Variants in ULK1 observed in about 807,000 individuals in gnomAD.
The protein encoded by ULK1 is serine/threonine-protein kinase ULK1.
In ULK1, 48 loss-of-function variants were observed where a neutral mutation model predicts 117.5. The observed-to-expected ratio is 0.41, with a 90% CI of 0.32 to 0.52. The LOEUF (loss-of-function observed/expected upper bound fraction) is 0.52. Among genes scored for constraint, ULK1 ranks in the 20% least tolerant of loss-of-function variants. The pLI, the probability that ULK1 is intolerant of heterozygous loss-of-function variation, is 0.29. For missense variants in ULK1, 1,387 were observed against 1,473.4 expected (o/e 0.94, Z 0.96); for synonymous variants, 790 against 637.8 (o/e 1.24, Z -3.60).
rs770827887 is a variant in ULK1, at chr12:131,915,974, G to T, written c.1693G>T (p.Val565Phe). The change falls in exon 19 of 28, where the codon GTC becomes TTC. Residue 565 changes from valine to phenylalanine, a missense_variant. By Grantham distance (50) the Val-to-Phe change is conservative (BLOSUM62 -1). Around this residue, in one of 4 missense-constraint regions of ULK1, gnomAD observed 900 missense variants for 858.9 expected, o/e 1.05. Transcript: ENST00000321867. ...HSAPNLSDLH[V>F]VRPKLPKPPT... ...CGCCCCCAACCTGTCTGACTTGCAC[G>T]TCGTCCGCCCCAAGCTGCCCAAACC... 1 of 1,612,298 alleles carries T rather than the reference G, an allele frequency of 6.2e-7. No individual in the cohort carries two copies. Among genetic ancestry groups the T allele is most frequent in the African/African-American group, 1.3e-5 (1 of 74,852 alleles).
Position 131,908,583 on chromosome 12 carries a change from C to T in ULK1, c.317-61C>T, listed in dbSNP as rs964798916. ...GTGTGGCGGGACCGGCCTGGCTGCG[C>T]GGGACTCACCCCTGGGGGAGGAAAC... On this transcript the variant is annotated intron_variant, in intron 5 of 27. Coordinates refer to ENST00000321867, the MANE Select transcript of ULK1 (RefSeq NM_003565.4). The T allele has an allele frequency of 1.1e-4, 163 of 1,420,942 alleles. No individual in the cohort carries two copies. The African/African-American group carries it at 2.0e-3, about 18-fold the overall frequency. The allele number at this position is 1,420,942 out of a possible 1,614,324, so 88.0% of individuals were successfully genotyped here.
chr12:131,898,803 C>G (rs1364314993), intron 3 of ULK1, among the ~76,000 whole-genome samples: 1 of 151,916 alleles, frequency 6.6e-6, no homozygotes, highest in African/African-American at 2.4e-5. Flanking sequence ...GGGCGGTTTT[C>G]TTTTACATTG....
chr12:131,905,697 C>T (rs1374652361), intron 3 of ULK1, among the ~76,000 whole-genome samples: 1 of 152,150 alleles, frequency 6.6e-6, no homozygotes, highest in African/African-American at 2.4e-5. Flanking sequence ...GGGCCTCACT[C>T]TCCTTGTCTG....
chr12:131,913,344 A>G, intron 14 of ULK1, 86 bp downstream of exon 14: 2 of 1,338,400 alleles, frequency 1.5e-6, no homozygotes, highest in South Asian at 3.2e-5. Context: ...ATGAGCCGAG[A>G]TCGCGCCACT....
Position 131,921,733 on chromosome 12 carries a change from G to A in ULK1, c.*372G>A, listed in dbSNP as rs548529062. The A allele has an allele frequency of 1.8e-6, 1 of 566,668 alleles. No individual in the cohort carries two copies. Among genetic ancestry groups the A allele is most frequent in the African/African-American group, 1.8e-5 (1 of 54,194 alleles). The allele number at this position is 566,668 out of a possible 1,614,324, so 35.1% of individuals were successfully genotyped here. On this transcript the variant is annotated 3_prime_UTR_variant, in exon 28 of 28. Transcript: ENST00000321867. ...CAAAGCGAGCTCCTGCTTAGGGAAG[G>A]TCAGCAGGCACTGTGCCCAGGAAGA...
intron 3 of ULK1, among the ~76,000 whole-genome samples, chr12:131,905,485 C>T (rs1488105659): frequency 1.3e-5 from 2 of 152,174 alleles, no homozygotes; most frequent in African/African-American, 4.8e-5. Context: ...AGCCTGGGCT[C>T]GCTCAGGGGT....
chr12:131,910,875 C>A, intron 12 of ULK1, 75 bp downstream of exon 12: 1 of 1,586,968 alleles, frequency 6.3e-7, no homozygotes, highest in Admixed American at 1.7e-5. Flanking sequence ...TGGGCCCCCG[C>A]GGGGACGTGC....
chr12:131,904,443 C>T (rs12317396), intron 3 of ULK1, among the ~76,000 whole-genome samples: 20,948 of 152,206 alleles, frequency 0.14, 2,242 homozygotes, highest in African/African-American at 0.3. Context: ...CCACCGTACC[C>T]GGCCAGGCCT....
At position 131,902,800 on chromosome 12, in the gene ULK1, C is replaced by T. The variant is rs889165170; in HGVS notation, c.247-4092C>T. On this transcript the variant is annotated intron_variant, in intron 3 of 27. Transcript: ENST00000321867. The surrounding 1 kb of genome is among the most constrained non-coding windows in gnomAD (Gnocchi z 6.3). ...GACCCCCGGACCCTGTCTTGGGAGG[C>T]GAGCTGCTCTGCCTGGGGTGGCCGG... is the stretch of plus-strand genomic sequence containing the variant. Among the ~76,000 whole-genome samples the T allele has an allele frequency of 2.0e-5, 3 of 152,096 alleles. No individual in the cohort carries two copies. Among genetic ancestry groups the T allele is most frequent in the Admixed American group, 6.5e-5 (1 of 15,278 alleles).
intron 3 of ULK1, among the ~76,000 whole-genome samples, chr12:131,904,321 A>AT (rs924024378): frequency 2.6e-5 from 4 of 151,930 alleles, no homozygotes; most frequent in Non-Finnish European, 4.4e-5. Flanking sequence ...TAATTTTTGT[A>AT]TTTTTTTGTA....
chr12:131,902,385 CA>C lies in ULK1; in HGVS notation c.247-4506del, dbSNP rs1326724814. On this transcript the variant is annotated intron_variant, in intron 3 of 27. Transcript: ENST00000321867. The surrounding 1 kb of genome is among the most constrained non-coding windows in gnomAD (Gnocchi z 6.3). ...TATTAAGTAAAGCACCTTAGCACCC[CA>C]GGGGTGGGGCAGCCTCCTACGTGCC... 6.6e-6 allele frequency among the ~76,000 whole-genome samples: 1 copy of C among 152,178 alleles called. No individual in the cohort carries two copies. Among genetic ancestry groups the C allele is most frequent in the Non-Finnish European group, 1.5e-5 (1 of 68,022 alleles).
chr12:131,918,140 G>A (rs936423101), intron 22 of ULK1, among the ~76,000 whole-genome samples: 1 of 152,178 alleles, frequency 6.6e-6, no homozygotes, highest in African/African-American at 2.4e-5. Flanking sequence ...GGGCCCAGCT[G>A]TGGGGCACAG....
chr12:131,900,307 T>C (rs1174463837), intron 3 of ULK1, among the ~76,000 whole-genome samples: 1 of 152,194 alleles, frequency 6.6e-6, no homozygotes, highest in East Asian at 1.9e-4. Context: ...GTTTGTTGAC[T>C]GTTGAGGTTG....
chr12:131,922,914 C>T lies in ULK1; in HGVS notation c.*1553C>T, dbSNP rs1470705317. Reference sequence around the variant, plus strand: ...TTCATGGCCGACTGGAATCCTGAGTCCTGGGAAGCTGGCACTGCGGGGATC... The same window carrying T: ...TTCATGGCCGACTGGAATCCTGAGTTCTGGGAAGCTGGCACTGCGGGGATC... On this transcript the variant is annotated 3_prime_UTR_variant, in exon 28 of 28. Transcript: ENST00000321867. 6.6e-6 allele frequency: 1 copy of T among 152,412 alleles called. No homozygotes were observed. Among genetic ancestry groups the T allele is most frequent in the Non-Finnish European group, 1.5e-5 (1 of 68,050 alleles). 9.4% of individuals were successfully genotyped at this position (152,412 alleles called of 1,614,324 possible).
chr12:131,895,484 T>C (rs558753013), intron 1 of ULK1, 117 bp from the exon 2 acceptor site: 1 of 860,752 alleles, frequency 1.2e-6, no homozygotes, highest in Admixed American at 2.4e-5. Context: ...CCACTCGGCC[T>C]TCCAGTCCCG....
At chr12:131,898,789 G>T (rs1888974418) in intron 3 of ULK1, among the ~76,000 whole-genome samples, 1 of 152,286 alleles carries the variant, frequency 6.6e-6, no homozygotes, top group South Asian at 2.1e-4. Context: ...GAACCACCAT[G>T]CCTGGGCGGT....
chr12:131,919,378 A>G lies in ULK1; in HGVS notation c.2678A>G (p.Glu893Gly). 1 of 1,078,144 alleles carries G rather than the reference A, an allele frequency of 9.3e-7. No individual in the cohort carries two copies. Among genetic ancestry groups the G allele is most frequent in the Non-Finnish European group, 1.3e-6 (1 of 784,298 alleles). 66.8% of individuals were successfully genotyped at this position (1,078,144 alleles called of 1,614,324 possible). A position where few individuals can be genotyped will look rare whatever the true frequency, so the allele number is the denominator to read the frequency against. ...VADQISLLSREWGFAEQLVLY... is the reference protein window; with the variant it reads ...VADQISLLSRGWGFAEQLVLY... The stretch of plus-strand genomic sequence containing the variant: ...GACCAGATCAGCCTGCTGAGCCGAG[A>G]ATGGGGGTGGGTGCCGCCAGGGCTG... Residue 893 changes from glutamate to glycine, a missense_variant, in exon 24 of 28, where the codon GAA becomes GGA. This residue lies in a region of ULK1 where 900 missense variants were observed against 858.9 expected (regional missense o/e 1.05). Transcript: ENST00000321867.
chr12:131,922,475 C>G lies in ULK1; in HGVS notation c.*1114C>G. 2.8e-5 allele frequency: 5 copies of G among 176,178 alleles called. No individual in the cohort carries two copies. In the South Asian group the frequency reaches 3.4e-4, roughly 12 times the overall value. The allele number at this position is 176,178 out of a possible 1,614,324, so 10.9% of individuals were successfully genotyped here. ...TGACAGTCAGTTTTGATGTCAGCTC[C>G]TCGGCAGGGTAGGCCTGATGACAGC... is the stretch of plus-strand genomic sequence containing the variant. On this transcript the variant is annotated 3_prime_UTR_variant, in exon 28 of 28. Transcript: ENST00000321867.
rs1440683231 is a variant in ULK1 at position 131,915,999 on chromosome 12, C to T, written c.1718C>T (p.Pro573Leu). 6.2e-7 allele frequency: 1 copy of T among 1,612,312 alleles called. No homozygotes were observed. Among genetic ancestry groups the T allele is most frequent in the South Asian group, 1.1e-5 (1 of 91,052 alleles). Residue 573 changes from proline (P) to leucine (L), a missense_variant, in exon 19 of 28, where the codon CCC becomes CTC. Pro to Leu is a moderately conservative substitution (Grantham distance 98). Around this residue, in one of 4 missense-constraint regions of ULK1, gnomAD observed 900 missense variants for 858.9 expected, o/e 1.05. Transcript: ENST00000321867. ...LHVVRPKLPKPPTDPLGAVFS... is the reference protein window; with the variant it reads ...LHVVRPKLPKLPTDPLGAVFS... Reference sequence around the variant, plus strand: ...GTCGTCCGCCCCAAGCTGCCCAAACCCCCCACGGACCCCCTGGGAGCTGTG... The same window carrying T: ...GTCGTCCGCCCCAAGCTGCCCAAACTCCCCACGGACCCCCTGGGAGCTGTG...
Sources: gnomAD v4.1 joint callset for allele counts (sites outside exome capture counted in the v4.1 genomes callset) on GRCh38, gnomAD v4.1.1 for gene constraint, gnomAD v4.1.1 regional missense constraint, Gnocchi (gnomAD v3.1) non-coding constraint, MANE v1.5 for transcripts, NCBI Gene and HGNC (gene_info 2026-07-23, HGNC 2026-07-21) for gene names.